ARHGAP24: variants seen among roughly 807,000 people sequenced by gnomAD.
ARHGAP24 encodes the protein rho GTPase-activating protein 24.
A neutral mutation model predicts 76.4 loss-of-function variants in ARHGAP24; 50 were observed. That is an observed-to-expected ratio of 0.65 (90% confidence interval 0.52 to 0.83). ARHGAP24 has a LOEUF of 0.83. Ranked by LOEUF, ARHGAP24 falls within the 40% of genes least tolerant of loss-of-function variation. The pLI is 0.00. For synonymous variants in ARHGAP24, 345 were observed against 323.3 expected, an observed-to-expected ratio of 1.07 and a Z score of -0.72; for missense variants, 930 against 914.2, an observed-to-expected ratio of 1.02 and a Z score of -0.22.
intron 1 of ARHGAP24, among the ~76,000 whole-genome samples, chr4:85,538,592 C>T (rs1193617774): frequency 2.0e-5 from 3 of 152,094 alleles, no homozygotes; most frequent in Non-Finnish European, 2.9e-5. Flanking sequence ...TGTGTCTCCA[C>T]GCACCTATTT....
intron 4 of ARHGAP24, among the ~76,000 whole-genome samples, chr4:85,929,060 A>G (rs985714074): frequency 3.3e-5 from 5 of 152,174 alleles, no homozygotes; most frequent in Admixed American, 3.3e-4. Context: ...ATTAGAAGAA[A>G]AAAATGCTTT....
intron 3 of ARHGAP24, among the ~76,000 whole-genome samples, chr4:85,917,598 T>C (rs1200169066): frequency 3.3e-5 from 5 of 152,268 alleles, no homozygotes; most frequent in African/African-American, 9.6e-5. Context: ...TTTTAATGAT[T>C]GCCATTCTAA....
chr4:85,863,285 C>G (rs1359679664), intron 3 of ARHGAP24, among the ~76,000 whole-genome samples: 1 of 152,042 alleles, frequency 6.6e-6, no homozygotes, highest in East Asian at 1.9e-4. Context: ...CTCAGAGAAG[C>G]CTTTGTTAAC....
intron 1 of ARHGAP24, among the ~76,000 whole-genome samples, chr4:85,551,638 G>T (rs13135166): frequency 6.6e-6 from 1 of 152,162 alleles, no homozygotes; most frequent in Non-Finnish European, 1.5e-5. Flanking sequence ...ACATCTGGTA[G>T]AATTTGGCTG....
chr4:85,913,539 G>A (rs1211291932), intron 3 of ARHGAP24, among the ~76,000 whole-genome samples: 1 of 151,942 alleles, frequency 6.6e-6, no homozygotes, highest in Non-Finnish European at 1.5e-5. Context: ...TTAGGTCCCT[G>A]TCTTTAAATA....
At chr4:85,659,516 T>G (rs906106604) in intron 2 of ARHGAP24, among the ~76,000 whole-genome samples, 3 of 152,240 alleles carry the variant, frequency 2.0e-5, no homozygotes, top group Non-Finnish European at 4.4e-5. Context: ...GCTTCTGGTA[T>G]TTCAACATAT....
intron 5 of ARHGAP24, among the ~76,000 whole-genome samples, chr4:85,964,687 A>T (rs1000062329): frequency 5.9e-5 from 9 of 152,056 alleles, no homozygotes; most frequent in African/African-American, 1.9e-4. Context: ...AATATCCATA[A>T]TTTTTTTCAG....
At chr4:85,657,608 TG>T (rs1722220746) in intron 2 of ARHGAP24, among the ~76,000 whole-genome samples, 1 of 152,150 alleles carries the variant, frequency 6.6e-6, no homozygotes, top group African/African-American at 2.4e-5. Flanking sequence ...TGCTCTCCCA[TG>T]GAGACAGGGT....
chr4:85,937,302 G>A (rs1736697124), intron 4 of ARHGAP24, among the ~76,000 whole-genome samples: 1 of 152,176 alleles, frequency 6.6e-6, no homozygotes, highest in Non-Finnish European at 1.5e-5. Flanking sequence ...TGGGGGGATA[G>A]CTTGTACTGA....
intron 2 of ARHGAP24, among the ~76,000 whole-genome samples, chr4:85,618,122 A>G (rs1041185744): frequency 2.6e-5 from 4 of 152,136 alleles, no homozygotes; most frequent in Admixed American, 1.3e-4. Flanking sequence ...GAAACTTTGT[A>G]CCCCTTGACC....
At chr4:85,531,537 A>G (rs1159537932) in intron 1 of ARHGAP24, among the ~76,000 whole-genome samples, 1 of 152,076 alleles carries the variant, frequency 6.6e-6, no homozygotes, top group African/African-American at 2.4e-5. Flanking sequence ...AAACAAAAGA[A>G]TTTCAATACC....
rs947538750 is a variant in ARHGAP24, at chr4:85,970,232, T to C, written c.600-1804T>C. Among the ~76,000 whole-genome samples, 4 of 152,306 alleles carry C rather than the reference T, an allele frequency of 2.6e-5. No homozygotes were observed. The South Asian group carries it at 6.2e-4, about 24-fold the overall frequency. Reference sequence around the variant, plus strand: ...GCAAGGACAGGAGGCTTCCTCCCACTTGAGGCTGTTTTTCTCCCTTGCTTT... The same window carrying C: ...GCAAGGACAGGAGGCTTCCTCCCACCTGAGGCTGTTTTTCTCCCTTGCTTT... On this transcript the variant is annotated intron_variant, in intron 5 of 9. Coordinates refer to ENST00000395184, the MANE Select transcript of ARHGAP24 (RefSeq NM_001025616.3).
intron 3 of ARHGAP24, among the ~76,000 whole-genome samples, chr4:85,778,305 A>G (rs1727381509): frequency 6.6e-6 from 1 of 152,208 alleles, no homozygotes; most frequent in South Asian, 2.1e-4. Flanking sequence ...GTTTTCTCTG[A>G]GACAGTTCTC....
chr4:85,763,745 A>G (rs1464501434), intron 3 of ARHGAP24, among the ~76,000 whole-genome samples: 2 of 152,104 alleles, frequency 1.3e-5, no homozygotes, highest in East Asian at 1.9e-4. Flanking sequence ...CAAATACTTT[A>G]CTGAAATAAT....
intron 2 of ARHGAP24, among the ~76,000 whole-genome samples, chr4:85,667,094 C>G (rs557741692): frequency 5.3e-5 from 8 of 152,278 alleles, no homozygotes; most frequent in African/African-American, 1.9e-4. Context: ...GTGCCCTGCC[C>G]CCAGAGGTGG....
chr4:85,537,169 T>C (rs1725500438), intron 1 of ARHGAP24, among the ~76,000 whole-genome samples: 1 of 152,138 alleles, frequency 6.6e-6, no homozygotes, highest in African/African-American at 2.4e-5. Context: ...CAAGCACCTA[T>C]TGAGCACCTG....
intron 2 of ARHGAP24, among the ~76,000 whole-genome samples, chr4:85,580,141 G>A (rs1034516978): frequency 8.2e-5 from 12 of 146,578 alleles, no homozygotes; most frequent in African/African-American, 2.7e-4. Flanking sequence ...TGTGGTGGGG[G>A]GGGAGGGTGA....
At chr4:85,916,920 T>C (rs1175477838) in intron 3 of ARHGAP24, among the ~76,000 whole-genome samples, 1 of 152,106 alleles carries the variant, frequency 6.6e-6, no homozygotes, top group African/African-American at 2.4e-5. Context: ...TTTTATTTTA[T>C]TATTATTATA....
At position 85,817,405 on chromosome 4, in the gene ARHGAP24, T is replaced by C. The variant is rs145265708; in HGVS notation, c.268+95433T>C. Among the ~76,000 whole-genome samples the C allele has an allele frequency of 3.2e-3, 485 of 152,334 alleles. 4 individuals carry two copies. Among genetic ancestry groups the C allele is most frequent in the African/African-American group, 0.011 (468 of 41,588 alleles). ...TAGTTTTACAGTTTATGTTCAATTCTATAATCCATTTCAAGGAATTTTTGT... is the reference window on the plus strand; with the variant it reads ...TAGTTTTACAGTTTATGTTCAATTCCATAATCCATTTCAAGGAATTTTTGT... On this transcript the variant is annotated intron_variant, in intron 3 of 9. Transcript: ENST00000395184.
Sources: gnomAD v4.1 joint callset for allele counts (sites outside exome capture counted in the v4.1 genomes callset) on GRCh38, gnomAD v4.1.1 for gene constraint, MANE v1.5 for transcripts, NCBI Gene and HGNC (gene_info 2026-07-23, HGNC 2026-07-21) for gene names.